The following GBP6 variants were observed in gnomAD, a reference collection of about 807,000 sequenced individuals.
The protein encoded by GBP6 is guanylate binding protein family member 6, also known as guanylate-binding protein 6.
GBP6 carries 54 observed loss-of-function variants against 61.5 expected under a neutral mutation model. The observed-to-expected ratio is 0.88, with a 90% confidence interval of 0.71 to 1.10. The LOEUF (loss-of-function observed/expected upper bound fraction) is 1.10, where lower values mean the gene tolerates loss of function less well. GBP6 is among the 50% of genes least tolerant of loss of function. The pLI, the probability that GBP6 is intolerant of heterozygous loss-of-function variation, is 0.00. For synonymous variants in GBP6, 255 were observed against 273.7 expected (o/e 0.93, Z 0.67); for missense variants, 748 against 752.8 (o/e 0.99, Z 0.07).
chr1:89,387,563 A>C lies in GBP6; in HGVS notation c.*2094A>C, dbSNP rs540564316. ...GGTGATTATTTTCAATTGATAAAAT[A>C]TCATGAACTTTCCAGAGATCAGTGG... On this transcript the variant is annotated 3_prime_UTR_variant, in exon 11 of 11. Transcript: ENST00000370456. 1.3e-5 allele frequency among the ~76,000 whole-genome samples: 2 copies of C among 151,470 alleles called. No homozygotes were observed. Among genetic ancestry groups the C allele is most frequent in the South Asian group, 2.1e-4 (1 of 4,824 alleles).
chr1:89,377,046 C>T (rs1272144675), intron 3 of GBP6, among the ~76,000 whole-genome samples: 1 of 152,130 alleles, frequency 6.6e-6, no homozygotes, highest in Non-Finnish European at 1.5e-5. Context: ...CCTCCAAAAT[C>T]CCATATAGAA....
At chr1:89,383,512 G>A (rs1392008627) in intron 8 of GBP6, 140 bp from the exon 9 acceptor site, 3 of 625,146 alleles carry the variant, frequency 4.8e-6, no homozygotes, top group Non-Finnish European at 8.5e-6. Flanking sequence ...TCACCCTAAA[G>A]AGCCCGCACA....
intron 3 of GBP6, among the ~76,000 whole-genome samples, chr1:89,377,418 G>A (rs769511787): frequency 4.6e-5 from 7 of 151,988 alleles, no homozygotes; most frequent in Non-Finnish European, 1.0e-4. Flanking sequence ...CATTCAGCTC[G>A]TGACTTCCAG....
chr1:89,364,136 A>C lies in GBP6; in HGVS notation c.-24+9A>C, dbSNP rs556180029. 1 of 152,358 alleles carries C rather than the reference A, an allele frequency of 6.6e-6. No homozygotes were observed. Among genetic ancestry groups the C allele is most frequent in the East Asian group, 1.9e-4 (1 of 5,182 alleles). 9.4% of individuals were successfully genotyped at this position (152,358 alleles called of 1,614,324 possible). A position where few individuals can be genotyped will look rare whatever the true frequency, so the allele number is the denominator to read the frequency against. ...GCGGTGCTATAGAGCAGGTATGTTCACTTTCTTTTAAATGCAACTTAGTTC... is the reference window on the plus strand; with the variant it reads ...GCGGTGCTATAGAGCAGGTATGTTCCCTTTCTTTTAAATGCAACTTAGTTC... On this transcript the variant is annotated intron_variant, in intron 1 of 10. Coordinates refer to ENST00000370456, the MANE Select transcript of GBP6 (RefSeq NM_198460.3).
chr1:89,378,603 G>C lies in GBP6; in HGVS notation c.615G>C (p.Lys205Asn), dbSNP rs1184408695. The change falls in exon 5 of 11, where the codon AAG becomes AAC. Residue 205 changes from lysine to asparagine, a missense_variant. Coordinates refer to ENST00000370456, the MANE Select transcript of GBP6 (RefSeq NM_198460.3). The part of the protein sequence containing the change: ...TEDEYLENAL[K>N]LIQGNNPRVQ... ...ATGAATACCTGGAGAATGCCTTGAA[G>C]CTGATTCAAGGTATCAGAATGTGGC... The C allele has an allele frequency of 6.2e-6, 10 of 1,611,970 alleles. No homozygotes were observed. The highest frequency in any genetic ancestry group is 8.5e-6 in the Non-Finnish European group (10 of 1,178,506).
chr1:89,371,936 T>A (rs1652656208), intron 3 of GBP6, among the ~76,000 whole-genome samples: 1 of 152,214 alleles, frequency 6.6e-6, no homozygotes, highest in African/African-American at 2.4e-5. Context: ...GCCCAAAATC[T>A]CCTTAAGCTG....
chr1:89,379,253 T>C (rs974520346), intron 5 of GBP6, among the ~76,000 whole-genome samples: 1 of 151,964 alleles, frequency 6.6e-6, no homozygotes, highest in African/African-American at 2.4e-5. Context: ...CCAGATCTTG[T>C]GTGAACTCAT....
chr1:89,370,696 T>C lies in GBP6; in HGVS notation c.318+1023T>C, dbSNP rs376070335. Among the ~76,000 whole-genome samples, 3 of 152,322 alleles carry C rather than the reference T, an allele frequency of 2.0e-5. No individual in the cohort carries two copies. In the East Asian group the frequency reaches 5.8e-4, roughly 29 times the overall value. ...TTGTATAATTGACAAATAAAAATTA[T>C]ATATAATTAAGCTGTACAACTTAAT... On this transcript the variant is annotated intron_variant, in intron 3 of 10. Transcript: ENST00000370456.
intron 6 of GBP6, among the ~76,000 whole-genome samples, chr1:89,380,950 A>G (rs1429611750): frequency 6.6e-6 from 1 of 152,226 alleles, no homozygotes; most frequent in African/African-American, 2.4e-5. Context: ...TGTGTTCAGT[A>G]TTCTTTGCCA....
chr1:89,367,284 G>T (rs1012111330), intron 1 of GBP6, among the ~76,000 whole-genome samples: 5 of 152,114 alleles, frequency 3.3e-5, no homozygotes, highest in Admixed American at 1.3e-4. Flanking sequence ...GTGCACACAG[G>T]TTCCAAATCC....
Position 89,385,531 on chromosome 1 carries a change from C to T in GBP6, c.*62C>T. On this transcript the variant is annotated 3_prime_UTR_variant, in exon 11 of 11. Coordinates refer to ENST00000370456, the MANE Select transcript of GBP6 (RefSeq NM_198460.3). ...TTTTGATCTGTATGTTTTTCATTTTCATTCAGCAAGTTTTTTTTTTTTTTC... is the reference window on the plus strand; with the variant it reads ...TTTTGATCTGTATGTTTTTCATTTTTATTCAGCAAGTTTTTTTTTTTTTTC... 2.2e-6 allele frequency: 3 copies of T among 1,389,540 alleles called. No homozygotes were observed. Among genetic ancestry groups the T allele is most frequent in the Non-Finnish European group, 9.6e-7 (1 of 1,036,342 alleles). 86.1% of individuals were successfully genotyped at this position (1,389,540 alleles called of 1,614,324 possible).
intron 1 of GBP6, among the ~76,000 whole-genome samples, chr1:89,368,225 G>A (rs993735934): frequency 2.6e-5 from 4 of 152,160 alleles, no homozygotes; most frequent in Non-Finnish European, 5.9e-5. Context: ...GTGTCAGTGG[G>A]GTTGGATACT....
At chr1:89,366,369 TG>T (rs1652467846) in intron 1 of GBP6, among the ~76,000 whole-genome samples, 1 of 152,234 alleles carries the variant, frequency 6.6e-6, no homozygotes, top group Non-Finnish European at 1.5e-5. Flanking sequence ...GACATTCTCC[TG>T]CTTCCCTTTT....
chr1:89,365,192 T>C (rs918629505), intron 1 of GBP6, among the ~76,000 whole-genome samples: 2 of 152,210 alleles, frequency 1.3e-5, no homozygotes, highest in African/African-American at 4.8e-5. Flanking sequence ...CATCAGAGTG[T>C]GAAAACCAGT....
intron 4 of GBP6, 68 bp downstream of exon 4, chr1:89,378,280 T>C: frequency 6.5e-7 from 1 of 1,545,644 alleles, no homozygotes; most frequent in Non-Finnish European, 8.8e-7. Context: ...GATCAAGTCA[T>C]TTCCTCCTTC....
chr1:89,385,319 T>G lies in GBP6; in HGVS notation c.1752T>G (p.Thr584=). ...EISQFKRMID[T]TKNDDTPWIA... is the part of the protein sequence containing the mutation. ...GTCAATTTAAACGTATGATTGATAC[T>G]ACAAAAAATGATGATACTCCCTGGA... Residue 584 remains threonine, a synonymous_variant, in exon 11 of 11, where the codon ACT becomes ACG. Transcript: ENST00000370456. 6.2e-7 allele frequency: 1 copy of G among 1,614,108 alleles called. No homozygotes were observed. Among genetic ancestry groups the G allele is most frequent in the Non-Finnish European group, 8.5e-7 (1 of 1,179,982 alleles).
intron 8 of GBP6, 97 bp downstream of exon 8, chr1:89,382,973 ACGCCTTAGCTTTCAATGT>A: frequency 2.8e-6 from 2 of 715,870 alleles, no homozygotes; most frequent in Non-Finnish European, 4.8e-6. Flanking sequence ...GGATAGCATA[ACGCCTTAGCTTTCAATGT>A]CCACTAATTA....
chr1:89,379,269 C>T (rs569555437), intron 5 of GBP6, among the ~76,000 whole-genome samples: 1 of 152,114 alleles, frequency 6.6e-6, no homozygotes, highest in Admixed American at 6.5e-5. Context: ...CTCATTACCA[C>T]AAGGATGGTA....
chr1:89,385,163 A>T (rs1387880032), intron 10 of GBP6, 67 bp from the exon 11 acceptor site: 30 of 1,415,448 alleles, frequency 2.1e-5, no homozygotes, highest in African/African-American at 2.9e-5. Flanking sequence ...GGTTTTAAAT[A>T]CAAAATGTAA....
Sources: allele counts gnomAD v4.1 joint callset (sites outside exome capture counted in the v4.1 genomes callset), GRCh38; gene constraint gnomAD v4.1.1; transcripts MANE v1.5; gene names NCBI Gene and HGNC (gene_info 2026-07-23, HGNC 2026-07-21).